The following SCNN1A variants were observed in gnomAD, a reference collection of about 807,000 sequenced individuals.
The protein encoded by SCNN1A is sodium channel epithelial 1 subunit alpha.
In SCNN1A, 65 loss-of-function variants were observed where a neutral mutation model predicts 68.6. That is an observed-to-expected ratio of 0.95 (90% confidence interval 0.78 to 1.16). The LOEUF (loss-of-function observed/expected upper bound fraction) is 1.16. Among genes scored for constraint, SCNN1A ranks in the 50% most tolerant of loss-of-function variants. The pLI, the probability that SCNN1A is intolerant of heterozygous loss-of-function variation, is 0.00. For missense variants in SCNN1A, 880 were observed against 865.9 expected (o/e 1.02, Z -0.20); for synonymous variants, 357 against 353.3 (o/e 1.01, Z -0.12).
rs573600908 is a variant in SCNN1A, at chr12:6,353,994, G to A, written c.1360+444C>T. 1.2e-4 allele frequency: 22 copies of A among 182,576 alleles called. No individual in the cohort carries two copies. The South Asian group carries it at 2.2e-3, about 18-fold the overall frequency. 11.3% of individuals were successfully genotyped at this position (182,576 alleles called of 1,614,324 possible). ...GAACAGAGATAGAAGAGAGAGGGAG[G>A]CCGAGGCGGGTGGATCATGAGGTCA... On this transcript the variant is annotated intron_variant, in intron 8 of 12. Coordinates refer to ENST00000228916, the MANE Select transcript of SCNN1A (RefSeq NM_001038.6).
chr12:6,355,951 G>T, intron 4 of SCNN1A, 71 bp from the exon 5 acceptor site: 1 of 972,696 alleles, frequency 1.0e-6, no homozygotes, highest in Non-Finnish European at 1.7e-6. Context: ...AGATGAGGCA[G>T]AGAGAAATGT....
rs72657556 is a variant in SCNN1A at position 6,349,339 on chromosome 12, C to T, written c.1427G>A (p.Arg476Gln). 2.3e-4 allele frequency: 372 copies of T among 1,613,034 alleles called. 1 individual carries two copies. In the African/African-American group the frequency reaches 4.1e-3, roughly 18 times the overall value. Residue 476 changes from arginine (R) to glutamine (Q), a missense_variant, in exon 9 of 13, where the codon CGG becomes CAG. Arg to Gln is a conservative substitution (Grantham distance 43). Coordinates refer to ENST00000228916, the MANE Select transcript of SCNN1A (RefSeq NM_001038.6). Reference protein sequence around the residue: ...SDHLGCFTKCRKPCSVTSYQL... With the variant: ...SDHLGCFTKCQKPCSVTSYQL... Reference sequence around the variant, plus strand: ...AGGGGACACTAACCTGCATGGCTTCCGGCACTTGGTGAAACAGCCCAGGTG... The same window carrying T: ...AGGGGACACTAACCTGCATGGCTTCTGGCACTTGGTGAAACAGCCCAGGTG...
Position 6,348,146 on chromosome 12 carries a change from G to C in SCNN1A, c.1737C>G (p.Ile579Met), listed in dbSNP as rs759899427. The change falls in exon 13 of 13, where the codon ATC becomes ATG. Residue 579 changes from isoleucine to methionine, a missense_variant. By Grantham distance (10) the Ile-to-Met change is conservative. Transcript: ENST00000228916. Reference sequence around the variant, plus strand: ...ACCTTCGGAGCAGCATGAGGAACATGATGACCAGCAGGTCAAAGACGAGCT... The same window carrying C: ...ACCTTCGGAGCAGCATGAGGAACATCATGACCAGCAGGTCAAAGACGAGCT... ...MAELVFDLLV[I>M]MFLMLLRRFR... 5 of 1,614,176 alleles carry C rather than the reference G, an allele frequency of 3.1e-6. No individual in the cohort carries two copies. Among genetic ancestry groups the C allele is most frequent in the Non-Finnish European group, 4.2e-6 (5 of 1,180,032 alleles).
intron 2 of SCNN1A, among the ~76,000 whole-genome samples, chr12:6,367,437 C>T (rs1373832486): frequency 1.3e-5 from 2 of 152,152 alleles, no homozygotes; most frequent in Non-Finnish European, 2.9e-5. Flanking sequence ...TCATCAAAAC[C>T]ACTCAGCAAT....
chr12:6,353,533 G>A (rs931566827), intron 8 of SCNN1A, among the ~76,000 whole-genome samples: 5 of 151,870 alleles, frequency 3.3e-5, no homozygotes, highest in African/African-American at 1.2e-4. Context: ...GTTTTCTCAC[G>A]TGCTCTTCCT....
chr12:6,375,684 G>T, upstream of SCNN1A: 1 of 1,449,820 alleles, frequency 6.9e-7, no homozygotes, highest in Non-Finnish European at 9.1e-7. Flanking sequence ...TGAACTGGGA[G>T]TACTGGACCT....
chr12:6,377,209 A>G, upstream of SCNN1A: 3 of 1,528,520 alleles, frequency 2.0e-6, no homozygotes, highest in South Asian at 3.6e-5. Flanking sequence ...TTAAAGTGAA[A>G]GCCGGTGTCA....
intron 2 of SCNN1A, among the ~76,000 whole-genome samples, chr12:6,368,330 C>T (rs192517620): frequency 1.1e-3 from 168 of 152,232 alleles, no homozygotes; most frequent in East Asian, 2.3e-3. Flanking sequence ...CAGAAACACC[C>T]GGATTGGTTA....
chr12:6,349,300 C>T lies in SCNN1A; in HGVS notation c.1439+27G>A, dbSNP rs539931672. 1.4e-4 allele frequency: 228 copies of T among 1,613,534 alleles called. 3 individuals are homozygous for T. The South Asian group carries it at 2.4e-3, about 17-fold the overall frequency. On this transcript the variant is annotated intron_variant, in intron 9 of 12. Coordinates refer to ENST00000228916, the MANE Select transcript of SCNN1A (RefSeq NM_001038.6). The stretch of plus-strand genomic sequence containing the variant: ...GCTCGGTAACCTGTATTCTACCCAA[C>T]CTGTACCCGGGGAAGGGGACACTAA...
At position 6,372,592 on chromosome 12, in the gene SCNN1A, G is replaced by T. The variant is rs1948812720; in HGVS notation, c.416+1776C>A. 1.3e-5 allele frequency among the ~76,000 whole-genome samples: 2 copies of T among 152,278 alleles called. No individual in the cohort carries two copies. Among genetic ancestry groups the T allele is most frequent in the African/African-American group, 2.4e-5 (1 of 41,552 alleles). On this transcript the variant is annotated intron_variant, in intron 2 of 12. Transcript: ENST00000228916. The surrounding 1 kb of genome is among the most constrained non-coding windows in gnomAD (Gnocchi z 5.8). ...CCAGCAGAACCTAAGAACTGTGCAG[G>T]CCTCACCCGATTCACCCCTGCCCTC...
chr12:6,369,678 T>C (rs1009658136), intron 2 of SCNN1A, among the ~76,000 whole-genome samples: 10 of 151,766 alleles, frequency 6.6e-5, no homozygotes, highest in African/African-American at 2.4e-4. Flanking sequence ...TAAAAAAGTA[T>C]GATAAATTAG....
intron 4 of SCNN1A, among the ~76,000 whole-genome samples, chr12:6,359,167 T>C (rs1420239733): frequency 6.6e-6 from 1 of 152,058 alleles, no homozygotes; most frequent in African/African-American, 2.4e-5. Flanking sequence ...TAAAAACAGG[T>C]AGTGGTAATG....
chr12:6,363,450 A>C lies in SCNN1A; in HGVS notation c.677T>G (p.Phe226Cys). ...QVDWKDWKIG[F>C]QLCNQNKSDC... ...CGGCGCTGCGGGCCTCACCAGCTGG[A>C]AGCCGATCTTCCAGTCCTTCCAGTC... The change falls in exon 3 of 13, where the codon TTC (phenylalanine) becomes TGC (cysteine). Residue 226 changes from phenylalanine (F) to cysteine (C), a missense_variant. Phe to Cys is a radical substitution (Grantham distance 205, BLOSUM62 -2). Around this residue, in one of 3 missense-constraint regions of SCNN1A, gnomAD observed 758 missense variants for 721.8 expected, o/e 1.05. Transcript: ENST00000228916. The C allele has an allele frequency of 6.3e-7, 1 of 1,586,138 alleles. No individual in the cohort carries two copies. Among genetic ancestry groups the C allele is most frequent in the Non-Finnish European group, 8.6e-7 (1 of 1,168,388 alleles).
At position 6,374,592 on chromosome 12, in the gene SCNN1A, G is replaced by A. The variant is rs757166697; in HGVS notation, c.192C>T (p.Asn64=). Residue 64 remains asparagine (N), a synonymous_variant, in exon 2 of 13, where the codon AAC becomes AAT. Coordinates refer to ENST00000228916, the MANE Select transcript of SCNN1A (RefSeq NM_001038.6). This position sits in a 1 kb window ranked among gnomAD's most constrained non-coding sequence, Gnocchi z 6.2. ...GGATGGCGCCGTGGATGGTGGTGTT[G>A]TTGCAGAAGAACTCGAAGAGCTCTC... The part of the protein sequence containing the change: ...SYRELFEFFC[N]NTTIHGAIRL... 1.8e-5 allele frequency: 29 copies of A among 1,613,974 alleles called. No homozygotes were observed. In the Admixed American group the frequency reaches 4.8e-4, roughly 27 times the overall value.
At chr12:6,367,389 C>T (rs547358812) in intron 2 of SCNN1A, among the ~76,000 whole-genome samples, 89 of 152,184 alleles carry the variant, frequency 5.8e-4, no homozygotes, top group Non-Finnish European at 1.1e-3. Context: ...GAGCAAAGAA[C>T]GATGCTCAAA....
rs1948330392 is a variant in SCNN1A at position 6,349,344 on chromosome 12, C to T, written c.1422G>A (p.Lys474=). The change falls in exon 9 of 13, where the codon AAG becomes AAA. Residue 474 remains lysine (K), a synonymous_variant. Coordinates refer to ENST00000228916, the MANE Select transcript of SCNN1A (RefSeq NM_001038.6). ...FSSDHLGCFT[K]CRKPCSVTSY... Reference sequence around the variant, plus strand: ...ACACTAACCTGCATGGCTTCCGGCACTTGGTGAAACAGCCCAGGTGGTCTG... The same window carrying T: ...ACACTAACCTGCATGGCTTCCGGCATTTGGTGAAACAGCCCAGGTGGTCTG... 15 of 1,612,908 alleles carry T rather than the reference C, an allele frequency of 9.3e-6. No individual in the cohort carries two copies. The highest frequency in any genetic ancestry group is 1.2e-5 in the Non-Finnish European group (14 of 1,179,440).
Position 6,362,121 on chromosome 12 carries a change from A to G in SCNN1A, c.805T>C (p.Ser269Pro), listed in dbSNP as rs147702347. The change falls in exon 4 of 13, where the codon TCC becomes CCC. Residue 269 changes from serine to proline, a missense_variant. Coordinates refer to ENST00000228916, the MANE Select transcript of SCNN1A (RefSeq NM_001038.6). The stretch of plus-strand genomic sequence containing the variant: ...TTGCCCAGCGTGTCCTCCTCCAGGG[A>G]TGGCAGAGTCTCTGGCAGCCTCGAC... ...ILSRLPETLP[S>P]LEEDTLGNFI... The G allele has an allele frequency of 6.5e-5, 105 of 1,614,240 alleles. No individual in the cohort carries two copies. The African/African-American group carries it at 1.3e-3, about 19-fold the overall frequency.
In SCNN1A at chr12:6,369,103, T is replaced by C. The variant is rs113998932; in HGVS notation, c.416+5265A>G. On this transcript the variant is annotated intron_variant, in intron 2 of 12. Transcript: ENST00000228916. ...CCACCACATCCTGGCTGGGCCTCCC[T>C]TTCCACTCCTTCCCCAGGCTGGCTC... 2.7e-3 allele frequency among the ~76,000 whole-genome samples: 413 copies of C among 152,156 alleles called. 3 individuals are homozygous for C. The highest frequency in any genetic ancestry group is 9.7e-3 in the African/African-American group (401 of 41,506).
At chr12:6,376,208 G>A (rs946380933), upstream of SCNN1A, 20 of 984,362 alleles carry the variant, frequency 2.0e-5, no homozygotes, top group South Asian at 4.7e-5. Context: ...GGTGGGATGC[G>A]TCTGCCTCCT....
Sources: gnomAD v4.1 joint callset for allele counts (sites outside exome capture counted in the v4.1 genomes callset) on GRCh38, gnomAD v4.1.1 for gene constraint, gnomAD v4.1.1 regional missense constraint, Gnocchi (gnomAD v3.1) non-coding constraint, MANE v1.5 for transcripts, NCBI Gene and HGNC (gene_info 2026-07-23, HGNC 2026-07-21) for gene names.